The following SLIT3 variants were observed in gnomAD, a reference collection of about 807,000 sequenced individuals.
SLIT3 encodes the protein slit homolog 3 protein.
A neutral mutation model predicts 184.0 loss-of-function variants in SLIT3; 68 were observed. The ratio of observed to expected loss-of-function variants is 0.37; its 90% CI spans 0.30 to 0.45. The LOEUF is 0.45. SLIT3 is among the 20% of genes least tolerant of loss of function. The pLI is 1.00. For synonymous variants in SLIT3, 831 were observed against 828.6 expected, an observed-to-expected ratio of 1.00 and a Z score of -0.05; for missense variants, 1,707 against 2,026.0, an observed-to-expected ratio of 0.84 and a Z score of 3.02.
chr5:169,285,884 G>A (rs1272491717), intron 1 of SLIT3, among the ~76,000 whole-genome samples: 1 of 152,228 alleles, frequency 6.6e-6, no homozygotes, highest in South Asian at 2.1e-4. Context: ...TGCAGATGAT[G>A]CCTCAGACTG....
chr5:169,268,818 TA>T (rs535494567), intron 1 of SLIT3, among the ~76,000 whole-genome samples: 1 of 152,302 alleles, frequency 6.6e-6, no homozygotes, highest in South Asian at 2.1e-4. Flanking sequence ...TGGAAAACTA[TA>T]AAAATAACAA....
At chr5:168,871,841 C>A (rs145668729) in intron 5 of SLIT3, among the ~76,000 whole-genome samples, 2 of 152,300 alleles carry the variant, frequency 1.3e-5, no homozygotes, top group Non-Finnish European at 2.9e-5. Flanking sequence ...AGGAGGCATG[C>A]AATTTGCTTA....
At chr5:168,973,265 G>T (rs1754640632) in intron 4 of SLIT3, among the ~76,000 whole-genome samples, 1 of 151,732 alleles carries the variant, frequency 6.6e-6, no homozygotes, top group Admixed American at 6.6e-5. Flanking sequence ...TATTATTTTG[G>T]AGACAGAGTT....
intron 8 of SLIT3, among the ~76,000 whole-genome samples, chr5:168,809,580 T>C (rs1490618232): frequency 1.3e-5 from 2 of 152,144 alleles, no homozygotes; most frequent in Non-Finnish European, 2.9e-5. Flanking sequence ...CACGGAGAGC[T>C]AGATGGCAGA....
chr5:169,229,691 C>T (rs1764932145), intron 3 of SLIT3, among the ~76,000 whole-genome samples: 2 of 133,760 alleles, frequency 1.5e-5, no homozygotes, highest in South Asian at 2.2e-4. Flanking sequence ...ACTCTTGGGC[C>T]GTGATGATGA....
intron 3 of SLIT3, among the ~76,000 whole-genome samples, chr5:169,209,413 A>AC (rs1338546853): frequency 6.6e-6 from 1 of 152,240 alleles, no homozygotes; most frequent in Non-Finnish European, 1.5e-5. Context: ...AGGATCTAGA[A>AC]CCAGATTTCA....
chr5:168,868,066 T>G (rs1179144121), intron 5 of SLIT3, among the ~76,000 whole-genome samples: 1 of 152,226 alleles, frequency 6.6e-6, no homozygotes, highest in African/African-American at 2.4e-5. Context: ...TTTAAATTTC[T>G]TGTTTCTAAA....
intron 9 of SLIT3, among the ~76,000 whole-genome samples, chr5:168,804,723 A>T (rs1756897734): frequency 6.6e-6 from 1 of 152,246 alleles, no homozygotes; most frequent in African/African-American, 2.4e-5. Context: ...TAAAGGAATT[A>T]AAGAAAAGCT....
At position 169,213,501 on chromosome 5, in the gene SLIT3, G is replaced by C. The variant is rs558542243; in HGVS notation, c.342-19951C>G. 3.3e-5 allele frequency among the ~76,000 whole-genome samples: 5 copies of C among 152,276 alleles called. No individual in the cohort carries two copies. In the South Asian group the frequency reaches 1.0e-3, roughly 32 times the overall value. The stretch of plus-strand genomic sequence containing the variant: ...ATCCTAAGCAAAAAGAACAAAGCTG[G>C]AGGCATCATGCTATCTGACTTCAAA... On this transcript the variant is annotated intron_variant, in intron 3 of 35. Coordinates refer to ENST00000519560, the MANE Select transcript of SLIT3 (RefSeq NM_003062.4).
chr5:168,996,829 C>G (rs1160387377), intron 4 of SLIT3, among the ~76,000 whole-genome samples: 3 of 152,172 alleles, frequency 2.0e-5, no homozygotes, highest in Non-Finnish European at 4.4e-5. Context: ...CGCTGGGATG[C>G]AAAAGCAAGT....
intron 4 of SLIT3, among the ~76,000 whole-genome samples, chr5:169,075,613 C>G (rs915187273): frequency 6.6e-6 from 1 of 152,074 alleles, no homozygotes; most frequent in African/African-American, 2.4e-5. Flanking sequence ...GTTGCCTGAG[C>G]CTGGTTCAAG....
chr5:168,820,917 C>T (rs1289086456), intron 7 of SLIT3, among the ~76,000 whole-genome samples: 2 of 152,170 alleles, frequency 1.3e-5, no homozygotes, highest in Non-Finnish European at 2.9e-5. Context: ...CTTCCTTCCT[C>T]TCTCCTCTTC....
intron 6 of SLIT3, among the ~76,000 whole-genome samples, chr5:168,840,738 C>T (rs890920661): frequency 6.6e-6 from 1 of 152,242 alleles, no homozygotes; most frequent in African/African-American, 2.4e-5. Context: ...GTCTGACTCA[C>T]AGAGCCTCGG....
At chr5:169,210,812 T>C (rs1764239706) in intron 3 of SLIT3, among the ~76,000 whole-genome samples, 2 of 152,234 alleles carry the variant, frequency 1.3e-5, no homozygotes, top group Admixed American at 1.3e-4. Flanking sequence ...TTTCCAATTC[T>C]TCCGCACACT....
Position 169,237,321 on chromosome 5 carries a change from G to A in SLIT3, c.341+7384C>T, listed in dbSNP as rs576235615. Among the ~76,000 whole-genome samples, 65 of 152,274 alleles carry A rather than the reference G, an allele frequency of 4.3e-4. 1 individual carries two copies. The highest frequency in any genetic ancestry group is 6.8e-3 in the Middle Eastern group (2 of 294). On this transcript the variant is annotated intron_variant, in intron 3 of 35. Coordinates refer to ENST00000519560, the MANE Select transcript of SLIT3 (RefSeq NM_003062.4). ...GGTTTTGATAAATGCATAGTGTCAC[G>A]TATCCACCATTTCATTATCATATAG... is the stretch of plus-strand genomic sequence containing the variant.
chr5:168,971,512 C>T (rs1247389207), intron 4 of SLIT3, among the ~76,000 whole-genome samples: 2 of 152,140 alleles, frequency 1.3e-5, no homozygotes, highest in South Asian at 4.1e-4. Context: ...GTTGATCTGC[C>T]CCTTCCCACT....
At chr5:168,812,596 G>A (rs1757196809) in intron 8 of SLIT3, among the ~76,000 whole-genome samples, 1 of 152,236 alleles carries the variant, frequency 6.6e-6, no homozygotes, top group African/African-American at 2.4e-5. Context: ...TTGTGAGCAT[G>A]TGGAAATAAA....
At chr5:169,165,100 T>G (rs1252490156) in intron 4 of SLIT3, among the ~76,000 whole-genome samples, 1 of 152,210 alleles carries the variant, frequency 6.6e-6, no homozygotes, top group Non-Finnish European at 1.5e-5. Context: ...ACATAGTAGG[T>G]GCTCAGGAAA....
intron 14 of SLIT3, among the ~76,000 whole-genome samples, chr5:168,771,911 G>A (rs1399598548): frequency 6.6e-6 from 1 of 152,202 alleles, no homozygotes; most frequent in Non-Finnish European, 1.5e-5. Context: ...CACACACCGT[G>A]AGGGTTGGCT....
Sources: gnomAD v4.1 joint callset for allele counts (sites outside exome capture counted in the v4.1 genomes callset) on GRCh38, gnomAD v4.1.1 for gene constraint, MANE v1.5 for transcripts, NCBI Gene and HGNC (gene_info 2026-07-23, HGNC 2026-07-21) for gene names.